The following ANKS1B variants were observed in gnomAD, a reference collection of about 807,000 sequenced individuals.
ANKS1B encodes the protein ankyrin repeat and sterile alpha motif domain-containing protein 1B.
ANKS1B carries 36 observed loss-of-function variants against 148.3 expected under a neutral mutation model. The observed-to-expected ratio is 0.24, with a 90% CI of 0.19 to 0.32. The LOEUF (loss-of-function observed/expected upper bound fraction) is 0.32. Among genes scored for constraint, ANKS1B ranks in the 10% least tolerant of loss-of-function variants. The pLI is 1.00. For missense variants in ANKS1B, 1,157 were observed against 1,542.6 expected, an observed-to-expected ratio of 0.75 and a Z score of 4.19; for synonymous variants, 542 against 560.8, an observed-to-expected ratio of 0.97 and a Z score of 0.47.
At chr12:99,741,934 A>C (rs940307971) in intron 8 of ANKS1B, among the ~76,000 whole-genome samples, 3 of 152,136 alleles carry the variant, frequency 2.0e-5, no homozygotes, top group Non-Finnish European at 4.4e-5. Flanking sequence ...AAAAAGAATA[A>C]GATCATGTCC....
rs575410738 is a variant in ANKS1B at position 99,424,573 on chromosome 12, T to C, written c.1575+19100A>G. On this transcript the variant is annotated intron_variant, in intron 11 of 26. Transcript: ENST00000683438. ...TATCACTTTGAGAAACAATCTGGAT[T>C]TTATGTGTACTATTTTATTTAATTT... 4.0e-5 allele frequency among the ~76,000 whole-genome samples: 6 copies of C among 151,866 alleles called. No individual in the cohort carries two copies. The South Asian group carries it at 1.2e-3, about 32-fold the overall frequency.
chr12:99,270,805 T>G (rs1372430295), intron 12 of ANKS1B, among the ~76,000 whole-genome samples: 2 of 152,172 alleles, frequency 1.3e-5, no homozygotes, highest in Non-Finnish European at 2.9e-5. Context: ...CCATACAGAG[T>G]GGTGTGCAGT....
intron 17 of ANKS1B, among the ~76,000 whole-genome samples, chr12:98,924,212 C>T (rs2099805072): frequency 6.6e-6 from 1 of 152,150 alleles, no homozygotes; most frequent in South Asian, 2.1e-4. Context: ...CACAGAAAGG[C>T]CTGCAACATC....
At chr12:99,424,546 A>G (rs1294644896) in intron 11 of ANKS1B, among the ~76,000 whole-genome samples, 15 of 151,842 alleles carry the variant, frequency 9.9e-5, no homozygotes, top group Non-Finnish European at 1.5e-5. Context: ...AAAAAAATAG[A>G]CTATCACTTT....
At chr12:99,471,474 C>T (rs963867269) in intron 10 of ANKS1B, among the ~76,000 whole-genome samples, 1 of 152,012 alleles carries the variant, frequency 6.6e-6, no homozygotes, top group Non-Finnish European at 1.5e-5. Flanking sequence ...CTTTCACAAG[C>T]AACCAGAAGT....
intron 8 of ANKS1B, among the ~76,000 whole-genome samples, chr12:99,725,581 T>A (rs2058537274): frequency 1.3e-5 from 2 of 152,150 alleles, no homozygotes; most frequent in African/African-American, 4.8e-5. Context: ...CTACTGTCAA[T>A]ATTGGACACA....
chr12:98,867,923 C>T (rs535103876), intron 17 of ANKS1B, among the ~76,000 whole-genome samples: 1 of 152,022 alleles, frequency 6.6e-6, no homozygotes, highest in Non-Finnish European at 1.5e-5. Flanking sequence ...AAAGCTTCTG[C>T]CGTTTATGGG....
At chr12:99,607,337 T>G (rs567971272) in intron 9 of ANKS1B, among the ~76,000 whole-genome samples, 4 of 151,650 alleles carry the variant, frequency 2.6e-5, no homozygotes, top group Non-Finnish European at 4.4e-5. Context: ...ATCAAAAATA[T>G]CAAAGAAGCT....
At chr12:99,685,678 C>T (rs1189923069) in intron 8 of ANKS1B, among the ~76,000 whole-genome samples, 1 of 151,882 alleles carries the variant, frequency 6.6e-6, no homozygotes, top group Non-Finnish European at 1.5e-5. Context: ...TGGAACCAGC[C>T]CAAATGCCCA....
At chr12:99,131,207 A>G (rs1293695492) in intron 15 of ANKS1B, among the ~76,000 whole-genome samples, 1 of 152,320 alleles carries the variant, frequency 6.6e-6, no homozygotes, top group African/African-American at 2.4e-5. Flanking sequence ...CTGGCACACA[A>G]TGAACACCCA....
intron 8 of ANKS1B, among the ~76,000 whole-genome samples, chr12:99,750,988 T>C (rs1229994279): frequency 1.3e-5 from 2 of 152,094 alleles, no homozygotes; most frequent in Non-Finnish European, 2.9e-5. Context: ...TTGATATTCA[T>C]GATTCATTTT....
Position 99,087,332 on chromosome 12 carries a change from T to C in ANKS1B, c.2527-2309A>G, listed in dbSNP as rs185282038. ...ACAGCTAGGGATTTAAAACGGGCAT[T>C]CACTGGACAAAAGCATTCCACCTAC... On this transcript the variant is annotated intron_variant, in intron 15 of 26. Transcript: ENST00000683438. Among the ~76,000 whole-genome samples the C allele has an allele frequency of 2.0e-5, 3 of 152,292 alleles. No homozygotes were observed. In the East Asian group the frequency reaches 5.8e-4, roughly 29 times the overall value.
At chr12:99,398,901 A>G (rs918440708) in intron 12 of ANKS1B, among the ~76,000 whole-genome samples, 2 of 152,118 alleles carry the variant, frequency 1.3e-5, no homozygotes, top group African/African-American at 4.8e-5. Context: ...GTATGCCACA[A>G]ATGCAATTCT....
chr12:99,614,627 C>T (rs932854109), intron 9 of ANKS1B, among the ~76,000 whole-genome samples: 1 of 151,804 alleles, frequency 6.6e-6, no homozygotes, highest in African/African-American at 2.4e-5. Context: ...TGTTCCTATA[C>T]AAATGCACCA....
intron 9 of ANKS1B, among the ~76,000 whole-genome samples, chr12:99,595,300 C>A (rs1301221357): frequency 2.6e-5 from 4 of 151,868 alleles, no homozygotes; most frequent in Non-Finnish European, 5.9e-5. Context: ...TTAGTAAGAT[C>A]TTACAAGATT....
chr12:99,834,171 A>T (rs2084457074), intron 1 of ANKS1B, among the ~76,000 whole-genome samples: 1 of 152,194 alleles, frequency 6.6e-6, no homozygotes, highest in Admixed American at 6.5e-5. Flanking sequence ...ACTCAGGCAT[A>T]ATCTTCAAAT....
At position 99,203,453 on chromosome 12, in the gene ANKS1B, C is replaced by CTT. The variant is rs781209215; in HGVS notation, c.2419+40887_2419+40888dup. Among the ~76,000 whole-genome samples the CTT allele has an allele frequency of 8.2e-3, 1,179 of 143,012 alleles. 20 individuals are homozygous for CTT. Among genetic ancestry groups the CTT allele is most frequent in the African/African-American group, 0.029 (1,127 of 39,284 alleles). The allele number at this position is 143,012 out of a possible 152,430, so 93.8% of individuals were successfully genotyped here. A position where few individuals can be genotyped will look rare whatever the true frequency, so the allele number is the denominator to read the frequency against. ...AGGTTCTGTTAAGACCTGCTTCTTT[C>CTT]TTTTTTTTTTTTTTTGAGACGGAGT... On this transcript the variant is annotated intron_variant, in intron 14 of 26. Coordinates refer to ENST00000683438, the MANE Select transcript of ANKS1B (RefSeq NM_001352186.2).
chr12:99,649,297 ATGAAGTTTTG>A lies in ANKS1B; in HGVS notation c.1272+5760_1272+5769del, dbSNP rs752923055. ...TTTGTTCTCTCCCTAGGGATATGCC[ATGAAGTTTTG>A]TGAAGAGAAGGAGCAATTCAGAATC... On this transcript the variant is annotated intron_variant, in intron 9 of 26. Transcript: ENST00000683438. The A allele has an allele frequency of 4.1e-5, 66 of 1,613,768 alleles. No homozygotes were observed. In the Admixed American group the frequency reaches 1.1e-3, roughly 27 times the overall value.
Position 98,829,156 on chromosome 12 carries a change from A to G in ANKS1B, c.3066+18T>C, listed in dbSNP as rs760177800. On this transcript the variant is annotated intron_variant, in intron 19 of 26. Transcript: ENST00000683438. This position sits in a 1 kb window ranked among gnomAD's most constrained non-coding sequence, Gnocchi z 5.2. ...CTGATATGGTTGAAAAATATCACAA[A>G]GGCTTATAACACCTTACCTGAGCCA... is the stretch of plus-strand genomic sequence containing the variant. 5 of 1,613,576 alleles carry G rather than the reference A, an allele frequency of 3.1e-6. No individual in the cohort carries two copies. The East Asian group carries it at 8.9e-5, about 29-fold the overall frequency.
Sources: allele counts gnomAD v4.1 joint callset (sites outside exome capture counted in the v4.1 genomes callset), GRCh38; gene constraint gnomAD v4.1.1; non-coding constraint Gnocchi (gnomAD v3.1); transcripts MANE v1.5; gene names NCBI Gene and HGNC (gene_info 2026-07-23, HGNC 2026-07-21).